LYPD6: variants seen among roughly 807,000 people sequenced by gnomAD.
The protein encoded by LYPD6 is ly6/PLAUR domain-containing protein 6.
LYPD6 carries 15 observed loss-of-function variants against 22.7 expected under a neutral mutation model. That is an observed-to-expected ratio of 0.66 (90% CI 0.44 to 1.02). The LOEUF (loss-of-function observed/expected upper bound fraction) is 1.02. Ranked by LOEUF, LYPD6 falls within the 50% of genes least tolerant of loss-of-function variation. The pLI is 0.00. For synonymous variants in LYPD6, 72 were observed against 77.5 expected (o/e 0.93, Z 0.37); for missense variants, 189 against 208.4 (o/e 0.91, Z 0.57).
upstream of LYPD6, chr2:149,330,098 G>A (rs1680898514): frequency 6.6e-6 from 1 of 152,080 alleles, no homozygotes; most frequent in Non-Finnish European, 1.5e-5. Context: ...AGTGAGATTT[G>A]GCCAGGGTCA....
At chr2:149,348,172 A>G (rs1452959461) in intron 1 of LYPD6, among the ~76,000 whole-genome samples, 4 of 152,124 alleles carry the variant, frequency 2.6e-5, no homozygotes, top group South Asian at 2.1e-4. Context: ...ACTTGTGCCA[A>G]TCATAGTTCT....
chr2:149,446,545 C>A (rs942196197), intron 2 of LYPD6, among the ~76,000 whole-genome samples: 3 of 152,146 alleles, frequency 2.0e-5, no homozygotes, highest in Non-Finnish European at 4.4e-5. Context: ...CAAAATACTT[C>A]TCTTTGTCAC....
At chr2:149,392,079 C>A (rs1433397135) in intron 1 of LYPD6, among the ~76,000 whole-genome samples, 1 of 152,172 alleles carries the variant, frequency 6.6e-6, no homozygotes, top group Non-Finnish European at 1.5e-5. Context: ...GGCTTACAGA[C>A]TTTTGCCTTC....
chr2:149,456,305 A>G (rs1680956876), intron 3 of LYPD6, among the ~76,000 whole-genome samples: 1 of 152,238 alleles, frequency 6.6e-6, no homozygotes, highest in South Asian at 2.1e-4. Flanking sequence ...GTACATACCA[A>G]ATAGTAAATA....
chr2:149,470,999 G>A lies in LYPD6; in HGVS notation c.*149G>A. ...AGCCAAGCATTGCCACTTACCATGA[G>A]GAATAAATGTTGCTTCATTGTAGCC... On this transcript the variant is annotated 3_prime_UTR_variant, in exon 5 of 5. Transcript: ENST00000334166. 1 of 668,172 alleles carries A rather than the reference G, an allele frequency of 1.5e-6. No homozygotes were observed. The highest frequency in any genetic ancestry group is 2.5e-6 in the Non-Finnish European group (1 of 404,342). The allele number at this position is 668,172 out of a possible 1,614,324, so 41.4% of individuals were successfully genotyped here. A position where few individuals can be genotyped will look rare whatever the true frequency, so the allele number is the denominator to read the frequency against.
chr2:149,348,348 G>A (rs1221300919), intron 1 of LYPD6, among the ~76,000 whole-genome samples: 1 of 152,164 alleles, frequency 6.6e-6, no homozygotes, highest in African/African-American at 2.4e-5. Context: ...GCGGTGGTAA[G>A]TGCTATGGAG....
At chr2:149,363,598 A>G (rs531279130) in intron 1 of LYPD6, among the ~76,000 whole-genome samples, 40 of 152,304 alleles carry the variant, frequency 2.6e-4, no homozygotes, top group African/African-American at 9.4e-4. Flanking sequence ...GCCTTCAGTA[A>G]TCAGTTGGCT....
At chr2:149,366,481 T>C (rs1393197052) in intron 1 of LYPD6, among the ~76,000 whole-genome samples, 3 of 152,118 alleles carry the variant, frequency 2.0e-5, no homozygotes, top group Non-Finnish European at 4.4e-5. Context: ...TGTTTGTTTT[T>C]ACAAGAGAAC....
chr2:149,335,231 C>G (rs1681013354), intron 1 of LYPD6, among the ~76,000 whole-genome samples: 1 of 151,908 alleles, frequency 6.6e-6, no homozygotes, highest in Non-Finnish European at 1.5e-5. Context: ...ATGTCAGCTC[C>G]ATGCGTGTTA....
intron 1 of LYPD6, among the ~76,000 whole-genome samples, chr2:149,423,947 T>A (rs1262547493): frequency 1.3e-5 from 2 of 151,732 alleles, no homozygotes; most frequent in Non-Finnish European, 2.9e-5. Flanking sequence ...ATTTGGGAGA[T>A]GTGGGACAGA....
At chr2:149,389,286 A>G (rs1435270107) in intron 1 of LYPD6, among the ~76,000 whole-genome samples, 2 of 152,102 alleles carry the variant, frequency 1.3e-5, no homozygotes, top group Admixed American at 6.5e-5. Flanking sequence ...CCAGTTATAC[A>G]GGGTGGGGGA....
At chr2:149,426,285 CG>C (rs1683187574) in intron 1 of LYPD6, among the ~76,000 whole-genome samples, 1 of 152,136 alleles carries the variant, frequency 6.6e-6, no homozygotes, top group African/African-American at 2.4e-5. Context: ...ACAACTCTCA[CG>C]GTTTTTGGAC....
intron 1 of LYPD6, among the ~76,000 whole-genome samples, chr2:149,334,862 TATA>T (rs1476918786): frequency 6.6e-6 from 1 of 152,066 alleles, no homozygotes; most frequent in Non-Finnish European, 1.5e-5. Context: ...ATGCACTGCT[TATA>T]TGATGGTGGT....
At chr2:149,331,677 C>T (rs73966470) in intron 1 of LYPD6, among the ~76,000 whole-genome samples, 237 of 152,170 alleles carry the variant, frequency 1.6e-3, no homozygotes, top group African/African-American at 4.6e-3. Context: ...CTTTGGTAGT[C>T]ACTTGTTGGA....
chr2:149,467,182 GA>G (rs1681219447), intron 3 of LYPD6, among the ~76,000 whole-genome samples: 1 of 152,222 alleles, frequency 6.6e-6, no homozygotes. Flanking sequence ...GAGCTCCCCA[GA>G]TGACCTTACC....
chr2:149,437,023 G>A (rs981112352), intron 1 of LYPD6, among the ~76,000 whole-genome samples: 8 of 152,176 alleles, frequency 5.3e-5, no homozygotes, highest in African/African-American at 1.9e-4. Flanking sequence ...ACCCAAAATG[G>A]GTTAATAATT....
intron 1 of LYPD6, among the ~76,000 whole-genome samples, chr2:149,423,055 A>C (rs1379058964): frequency 6.6e-6 from 1 of 152,148 alleles, no homozygotes; most frequent in Admixed American, 6.5e-5. Flanking sequence ...TATAAAATGT[A>C]ATGGATCCTG....
chr2:149,476,743 G>T (rs62190614), downstream of LYPD6, among the ~76,000 whole-genome samples: 5 of 152,284 alleles, frequency 3.3e-5, no homozygotes, highest in Admixed American at 2.6e-4. Context: ...ACAGAGGAGC[G>T]TGACTGTTTG....
chr2:149,349,993 A>G (rs1044244829), intron 1 of LYPD6, among the ~76,000 whole-genome samples: 3 of 152,212 alleles, frequency 2.0e-5, no homozygotes, highest in Non-Finnish European at 4.4e-5. Flanking sequence ...TTATTGAATA[A>G]CTTTACTTGC....
Sources: gnomAD v4.1 joint callset for allele counts (sites outside exome capture counted in the v4.1 genomes callset) on GRCh38, gnomAD v4.1.1 for gene constraint, MANE v1.5 for transcripts, NCBI Gene and HGNC (gene_info 2026-07-23, HGNC 2026-07-21) for gene names.